HCRTR2: variants seen among roughly 807,000 people sequenced by gnomAD.
The protein encoded by HCRTR2 is orexin receptor type 2.
Under a neutral mutation model 49.0 loss-of-function variants are expected in HCRTR2, and 22 were observed. The ratio of observed to expected loss-of-function variants is 0.45; its 90% CI spans 0.32 to 0.64. HCRTR2 has a LOEUF of 0.64. Among genes scored for constraint, HCRTR2 ranks in the 30% least tolerant of loss-of-function variants. The pLI is 0.04. For synonymous variants in HCRTR2, 236 were observed against 205.3 expected (o/e 1.15, Z -1.28); for missense variants, 491 against 559.4 (o/e 0.88, Z 1.23).
At chr6:55,187,476 A>G (rs906095652) in intron 1 of HCRTR2, among the ~76,000 whole-genome samples, 2 of 149,398 alleles carry the variant, frequency 1.3e-5, no homozygotes, top group Admixed American at 6.7e-5. Context: ...GAAAGCAGAT[A>G]TTGGTAATTC....
upstream of HCRTR2, among the ~76,000 whole-genome samples, chr6:55,172,842 T>G (rs1561994796): frequency 1.3e-5 from 2 of 152,098 alleles, no homozygotes; most frequent in Non-Finnish European, 2.9e-5. Flanking sequence ...GTGGGGTAGT[T>G]AACTAAATCT....
At chr6:55,167,601 C>T (rs890368442) in intron 1 of HCRTR2, among the ~76,000 whole-genome samples, 2 of 152,076 alleles carry the variant, frequency 1.3e-5, no homozygotes, top group South Asian at 4.1e-4. Flanking sequence ...TGAACTCAAA[C>T]CCAAGATTGT....
chr6:55,159,681 C>A (rs780335425), intron 1 of HCRTR2, among the ~76,000 whole-genome samples: 2 of 152,090 alleles, frequency 1.3e-5, no homozygotes, highest in South Asian at 4.1e-4. Flanking sequence ...ACAAGAACTT[C>A]GTGCAGCATA....
chr6:55,111,434 G>A (rs1448816285), intron 1 of HCRTR2, among the ~76,000 whole-genome samples: 1 of 151,636 alleles, frequency 6.6e-6, no homozygotes, highest in Non-Finnish European at 1.5e-5. Context: ...GAAGAGAGAC[G>A]ATCCAAAGCT....
chr6:55,177,110 C>G (rs1250390880), intron 1 of HCRTR2, among the ~76,000 whole-genome samples: 4 of 152,148 alleles, frequency 2.6e-5, no homozygotes, highest in African/African-American at 9.7e-5. Flanking sequence ...GGAAACACCT[C>G]TACAGTAAGG....
chr6:55,116,473 G>A (rs1397046529), intron 1 of HCRTR2, among the ~76,000 whole-genome samples: 3 of 150,928 alleles, frequency 2.0e-5, no homozygotes, highest in Non-Finnish European at 3.0e-5. Context: ...AGTTGGAAGA[G>A]GAAGAGGGAA....
chr6:55,237,131 T>C (rs1360410264), intron 1 of HCRTR2, among the ~76,000 whole-genome samples: 2 of 152,136 alleles, frequency 1.3e-5, no homozygotes, highest in African/African-American at 4.8e-5. Flanking sequence ...TTAAGTTCTA[T>C]AATTTCCTTG....
chr6:55,125,947 T>C (rs1481773141), intron 1 of HCRTR2, among the ~76,000 whole-genome samples: 3 of 152,200 alleles, frequency 2.0e-5, no homozygotes, highest in African/African-American at 7.2e-5. Flanking sequence ...GTTCTCGTGC[T>C]ATGTTTTTCA....
At chr6:55,267,593 T>A (rs1766886247) in intron 4 of HCRTR2, among the ~76,000 whole-genome samples, 1 of 152,156 alleles carries the variant, frequency 6.6e-6, no homozygotes, top group Non-Finnish European at 1.5e-5. Context: ...TGTGTTAATT[T>A]ATTTCACATT....
chr6:55,177,314 T>C (rs867310585), intron 1 of HCRTR2, among the ~76,000 whole-genome samples: 1 of 152,222 alleles, frequency 6.6e-6, no homozygotes, highest in Non-Finnish European at 1.5e-5. Flanking sequence ...TTTTCTGACA[T>C]ACTGCCTGAA....
At chr6:55,273,386 T>C (rs1767012174) in intron 4 of HCRTR2, among the ~76,000 whole-genome samples, 1 of 152,042 alleles carries the variant, frequency 6.6e-6, no homozygotes, top group Non-Finnish European at 1.5e-5. Flanking sequence ...ACTTAGCAAA[T>C]GGAGCAGGCA....
At chr6:55,185,505 T>TA (rs2127275266) in intron 1 of HCRTR2, among the ~76,000 whole-genome samples, 1 of 152,254 alleles carries the variant, frequency 6.6e-6, no homozygotes, top group Non-Finnish European at 1.5e-5. Context: ...AACACATAAA[T>TA]AAAAACATGT....
At chr6:55,280,236 G>T in intron 5 of HCRTR2, 87 bp from the exon 6 acceptor site, 1 of 874,380 alleles carries the variant, frequency 1.1e-6, no homozygotes, top group East Asian at 2.4e-5. Flanking sequence ...AAGAGGACAG[G>T]AGTCAGACCA....
chr6:55,163,349 G>A (rs1469008160), intron 1 of HCRTR2, among the ~76,000 whole-genome samples: 1 of 151,946 alleles, frequency 6.6e-6, no homozygotes, highest in East Asian at 1.9e-4. Flanking sequence ...CATAGCTGGA[G>A]GCATCATGCT....
chr6:55,229,325 G>C (rs1375826009), intron 1 of HCRTR2, among the ~76,000 whole-genome samples: 1 of 152,100 alleles, frequency 6.6e-6, no homozygotes, highest in African/African-American at 2.4e-5. Flanking sequence ...CACTGTGCTG[G>C]CTTGGAATAT....
At chr6:55,263,875 A>G (rs1581865392) in intron 4 of HCRTR2, 53 bp downstream of exon 4, 1 of 1,074,148 alleles carries the variant, frequency 9.3e-7, no homozygotes, top group East Asian at 2.5e-5. Context: ...ATAATTTGTT[A>G]TTTGTTATTC....
intron 1 of HCRTR2, among the ~76,000 whole-genome samples, chr6:55,203,959 G>A (rs1765555976): frequency 6.6e-6 from 1 of 151,936 alleles, no homozygotes; most frequent in African/African-American, 2.4e-5. Flanking sequence ...ATATTTAACA[G>A]GACTACTCTT....
At chr6:55,233,822 CAT>C (rs546632840) in intron 1 of HCRTR2, among the ~76,000 whole-genome samples, 39 of 152,226 alleles carry the variant, frequency 2.6e-4, no homozygotes, top group African/African-American at 7.0e-4. Context: ...GGAAGTAAAA[CAT>C]GATTTAATAT....
At chr6:55,111,209 C>G (rs550789602) in intron 1 of HCRTR2, among the ~76,000 whole-genome samples, 1 of 151,832 alleles carries the variant, frequency 6.6e-6, no homozygotes, top group Non-Finnish European at 1.5e-5. Context: ...ATGCCTACAT[C>G]AAAAAGTCTG....
Sources: allele counts gnomAD v4.1 joint callset (sites outside exome capture counted in the v4.1 genomes callset), GRCh38; gene constraint gnomAD v4.1.1; transcripts MANE v1.5; gene names NCBI Gene and HGNC (gene_info 2026-07-23, HGNC 2026-07-21).